Variants in WWP2 observed in about 807,000 individuals in gnomAD.
WWP2 encodes WW domain containing E3 ubiquitin protein ligase 2.
Under a neutral mutation model 121.0 loss-of-function variants are expected in WWP2, and 57 were observed. The observed-to-expected ratio is 0.47, with a 90% CI of 0.38 to 0.59. The LOEUF is 0.59. Ranked by LOEUF, WWP2 falls within the 20% of genes least tolerant of loss-of-function variation. The pLI is 0.00. For missense variants in WWP2, 962 were observed against 1,158.9 expected, an observed-to-expected ratio of 0.83 and a Z score of 2.47; for synonymous variants, 449 against 441.3, an observed-to-expected ratio of 1.02 and a Z score of -0.22.
intron 8 of WWP2, among the ~76,000 whole-genome samples, chr16:69,904,412 A>G (rs995735934): frequency 1.4e-5 from 2 of 147,888 alleles, no homozygotes; most frequent in Non-Finnish European, 3.0e-5. Flanking sequence ...TCTATTGCCT[A>G]GGCTGGAGTG....
chr16:69,901,812 G>C (rs888225813), intron 8 of WWP2, among the ~76,000 whole-genome samples: 1 of 152,130 alleles, frequency 6.6e-6, no homozygotes, highest in African/African-American at 2.4e-5. Flanking sequence ...TTAGCCAGGC[G>C]TGGTGGCGAG....
In WWP2 at chr16:69,925,320, G is replaced by A. The variant is rs2270838; in HGVS notation, c.1180-110G>A. On this transcript the variant is annotated intron_variant, in intron 10 of 23. Coordinates refer to ENST00000359154, the MANE Select transcript of WWP2 (RefSeq NM_001270454.2). This position sits in a 1 kb window ranked among gnomAD's most constrained non-coding sequence, Gnocchi z 4.0. The stretch of plus-strand genomic sequence containing the variant: ...AGTCCCACTGCATTCCCTGCAAAGC[G>A]CTCAAATGTGGAAGCCAGTCATTGG... 0.3 allele frequency: 458,834 copies of A among 1,541,908 alleles called. 77,341 individuals carry two copies. Among genetic ancestry groups the A allele is most frequent in the African/African-American group, 0.68 (49,616 of 73,044 alleles).
chr16:69,936,993 C>G (rs2058809396), intron 19 of WWP2, 125 bp from the exon 20 acceptor site: 2 of 1,334,848 alleles, frequency 1.5e-6, no homozygotes, highest in African/African-American at 1.5e-5. Flanking sequence ...CAGGCTGGGT[C>G]TGGGTGTGCG....
intron 1 of WWP2, chr16:69,774,604 C>T (rs1426879621): frequency 6.6e-6 from 1 of 152,208 alleles, no homozygotes; most frequent in Non-Finnish European, 1.5e-5. Context: ...CTCTCAGTTT[C>T]TTCCTTCAGC....
intron 6 of WWP2, among the ~76,000 whole-genome samples, chr16:69,864,664 C>T (rs1165791502): frequency 1.3e-5 from 2 of 150,764 alleles, no homozygotes; most frequent in African/African-American, 4.9e-5. Context: ...GATCTCCTGC[C>T]TCAGCCTCCT....
At chr16:69,884,614 C>T (rs1198419575) in intron 7 of WWP2, among the ~76,000 whole-genome samples, 1 of 152,100 alleles carries the variant, frequency 6.6e-6, no homozygotes, top group Non-Finnish European at 1.5e-5. Context: ...GGTGACAGAG[C>T]AAGACCCTAT....
chr16:69,814,867 G>C (rs1325783232), intron 4 of WWP2, among the ~76,000 whole-genome samples: 1 of 152,114 alleles, frequency 6.6e-6, no homozygotes, highest in African/African-American at 2.4e-5. Context: ...TTTTCAGCTG[G>C]AAGATAAATA....
chr16:69,905,275 C>T (rs779214018), intron 8 of WWP2, among the ~76,000 whole-genome samples: 1 of 152,218 alleles, frequency 6.6e-6, no homozygotes, highest in Non-Finnish European at 1.5e-5. Flanking sequence ...TGGTCCTCAA[C>T]CAAGAGTTGT....
chr16:69,864,814 G>A (rs1597076588), intron 6 of WWP2, among the ~76,000 whole-genome samples: 1 of 151,488 alleles, frequency 6.6e-6, no homozygotes, highest in East Asian at 1.9e-4. Flanking sequence ...GTTTCACCAT[G>A]TTGGCCAGGC....
chr16:69,902,455 C>T (rs1253375869), intron 8 of WWP2, among the ~76,000 whole-genome samples: 2 of 152,258 alleles, frequency 1.3e-5, no homozygotes, highest in East Asian at 1.9e-4. Flanking sequence ...ACAAAGACCT[C>T]GTGTAGTCCA....
Position 69,917,984 on chromosome 16 carries a change from C to G in WWP2, c.1179+101C>G, listed in dbSNP as rs976851836. On this transcript the variant is annotated intron_variant, in intron 10 of 23. Transcript: ENST00000359154. ...TGACCTGCTTAGTGAGCAGGGAAAA[C>G]AGCGTCTGGCAACGTCAGTGCTCTG... The G allele has an allele frequency of 2.1e-6, 3 of 1,420,652 alleles. No homozygotes were observed. The African/African-American group carries it at 4.3e-5, about 20-fold the overall frequency. 88.0% of individuals were successfully genotyped at this position (1,420,652 alleles called of 1,614,324 possible).
At chr16:69,792,722 C>T (rs2055939430) in intron 2 of WWP2, among the ~76,000 whole-genome samples, 1 of 152,152 alleles carries the variant, frequency 6.6e-6, no homozygotes, top group Non-Finnish European at 1.5e-5. Context: ...GTCAGGGTCT[C>T]ACTCTGTCAC....
chr16:69,830,723 G>A (rs945204615), intron 4 of WWP2, among the ~76,000 whole-genome samples: 2 of 152,194 alleles, frequency 1.3e-5, no homozygotes, highest in African/African-American at 4.8e-5. Flanking sequence ...GGGTAGAAGA[G>A]ACTTTCTGTT....
intron 4 of WWP2, among the ~76,000 whole-genome samples, chr16:69,809,051 G>A (rs1308901053): frequency 6.6e-6 from 1 of 152,186 alleles, no homozygotes; most frequent in Non-Finnish European, 1.5e-5. Context: ...AGTTATTTAA[G>A]TGGATGTTTT....
At chr16:69,786,624 A>G (rs907004573) in intron 1 of WWP2, among the ~76,000 whole-genome samples, 3 of 150,274 alleles carry the variant, frequency 2.0e-5, no homozygotes, top group African/African-American at 7.4e-5. Context: ...ATAATTTTGT[A>G]TTTTTTAGTA....
intron 6 of WWP2, among the ~76,000 whole-genome samples, chr16:69,854,838 ACC>A (rs2057280914): frequency 6.6e-6 from 1 of 151,466 alleles, no homozygotes; most frequent in Non-Finnish European, 1.5e-5. Context: ...AGTGTGGGCC[ACC>A]GCGCCTAGCC....
chr16:69,787,003 G>A lies in WWP2; in HGVS notation c.-8G>A. Reference sequence around the variant, plus strand: ...TTTCTGTTTGTCTTACAGCTTCACGGTGATGATATGGCATCTGCCAGCTCT... The same window carrying A: ...TTTCTGTTTGTCTTACAGCTTCACGATGATGATATGGCATCTGCCAGCTCT... On this transcript the variant is annotated 5_prime_UTR_variant, in exon 2 of 24. The change creates a new upstream start codon in the 5' untranslated region. Transcript: ENST00000359154. 2 of 1,610,104 alleles carry A rather than the reference G, an allele frequency of 1.2e-6. No homozygotes were observed. The highest frequency in any genetic ancestry group is 1.7e-6 in the Non-Finnish European group (2 of 1,178,632).
chr16:69,842,713 A>G (rs1311776148), intron 6 of WWP2, among the ~76,000 whole-genome samples: 1 of 152,132 alleles, frequency 6.6e-6, no homozygotes, highest in African/African-American at 2.4e-5. Context: ...TTTGTTGCCT[A>G]CGCTGGAGTG....
At chr16:69,858,455 T>G (rs1183108795) in intron 6 of WWP2, among the ~76,000 whole-genome samples, 4 of 152,002 alleles carry the variant, frequency 2.6e-5, no homozygotes, top group Non-Finnish European at 5.9e-5. Context: ...CTGGTTTACG[T>G]TCCCTGGCGC....
Sources: allele counts gnomAD v4.1 joint callset (sites outside exome capture counted in the v4.1 genomes callset), GRCh38; gene constraint gnomAD v4.1.1; non-coding constraint Gnocchi (gnomAD v3.1); transcripts MANE v1.5; gene names NCBI Gene and HGNC (gene_info 2026-07-23, HGNC 2026-07-21).